Variants in MELK observed in about 807,000 individuals in gnomAD.
MELK encodes pEg3 kinase.
A neutral mutation model predicts 85.0 loss-of-function variants in MELK; 81 were observed. The observed-to-expected ratio is 0.95, with a 90% CI of 0.80 to 1.15. MELK has a LOEUF of 1.15. Among genes scored for constraint, MELK ranks in the 50% most tolerant of loss-of-function variants. The pLI, the probability that MELK is intolerant of heterozygous loss-of-function variation, is 0.00. For synonymous variants in MELK, 252 were observed against 265.0 expected (o/e 0.95, Z 0.48); for missense variants, 754 against 777.5 (o/e 0.97, Z 0.36).
At chr9:36,651,182 TTAA>T (rs2137230301) in intron 11 of MELK, among the ~76,000 whole-genome samples, 1 of 152,324 alleles carries the variant, frequency 6.6e-6, no homozygotes, top group African/African-American at 2.4e-5. Context: ...AATTAAAAGA[TTAA>T]TAATTGGAAA....
chr9:36,653,187 TC>T (rs1195635557), intron 12 of MELK, among the ~76,000 whole-genome samples: 2 of 152,226 alleles, frequency 1.3e-5, no homozygotes, highest in African/African-American at 4.8e-5. Flanking sequence ...TGCTTTGTTG[TC>T]CTGGCTGGAG....
intron 10 of MELK, among the ~76,000 whole-genome samples, chr9:36,641,125 G>A (rs1829714430): frequency 6.6e-6 from 1 of 152,184 alleles, no homozygotes; most frequent in African/African-American, 2.4e-5. Flanking sequence ...GTGGAGGTTG[G>A]CGGAACTAGA....
In MELK at chr9:36,665,454, T is replaced by C; in HGVS notation, c.1281T>C (p.Tyr427=). 1 of 1,613,136 alleles carries C rather than the reference T, an allele frequency of 6.2e-7. No individual in the cohort carries two copies. The highest frequency in any genetic ancestry group is 1.1e-5 in the South Asian group (1 of 91,068). The change falls in exon 14 of 18, where the codon TAT becomes TAC. Residue 427 remains tyrosine (Y), a synonymous_variant. Coordinates refer to ENST00000298048, the MANE Select transcript of MELK (RefSeq NM_014791.4). ...ANKLKNKENV[Y]TPKSAVKNEE... is the part of the protein sequence containing the mutation. Reference sequence around the variant, plus strand: ...AATTAAAGAACAAAGAAAATGTATATACTCCTAAGTCTGCTGTAAAGAATG... The same window carrying C: ...AATTAAAGAACAAAGAAAATGTATACACTCCTAAGTCTGCTGTAAAGAATG...
chr9:36,603,910 T>C (rs1547309), intron 7 of MELK, among the ~76,000 whole-genome samples: 8 of 152,176 alleles, frequency 5.3e-5, no homozygotes, highest in African/African-American at 1.9e-4. Context: ...ATCATTTTAT[T>C]CCTCTTTAAG....
intron 13 of MELK, among the ~76,000 whole-genome samples, chr9:36,664,256 T>TATAA (rs1322435770): frequency 2.6e-5 from 4 of 152,216 alleles, no homozygotes; most frequent in African/African-American, 9.6e-5. Context: ...AACATACTTA[T>TATAA]TTATGTTCTG....
intron 12 of MELK, 85 bp downstream of exon 12, chr9:36,651,962 G>A: frequency 7.9e-7 from 1 of 1,263,160 alleles, no homozygotes; most frequent in Non-Finnish European, 1.0e-6. Context: ...ACTTTCCGGT[G>A]TCAAGGAGTC....
chr9:36,593,726 T>C (rs1446320708), intron 4 of MELK, among the ~76,000 whole-genome samples: 1 of 152,140 alleles, frequency 6.6e-6, no homozygotes, highest in African/African-American at 2.4e-5. Flanking sequence ...AAGTCTCACT[T>C]TGTCACCCAG....
chr9:36,647,300 C>G (rs1427201341), intron 11 of MELK, among the ~76,000 whole-genome samples: 1 of 152,130 alleles, frequency 6.6e-6, no homozygotes, highest in Admixed American at 6.5e-5. Context: ...GCCATTGTCT[C>G]TAGTCAGTTT....
intron 8 of MELK, among the ~76,000 whole-genome samples, chr9:36,614,029 G>C (rs1257017235): frequency 6.6e-6 from 1 of 152,090 alleles, no homozygotes; most frequent in Admixed American, 6.5e-5. Flanking sequence ...CTGGTCAGGA[G>C]GATATTGTAA....
At chr9:36,627,779 A>G (rs944112163) in intron 8 of MELK, among the ~76,000 whole-genome samples, 1 of 151,824 alleles carries the variant, frequency 6.6e-6, no homozygotes, top group Non-Finnish European at 1.5e-5. Context: ...CGCCCATCTC[A>G]GCCTCCCAAA....
chr9:36,618,695 C>G (rs1040518116), intron 8 of MELK, among the ~76,000 whole-genome samples: 1 of 152,048 alleles, frequency 6.6e-6, no homozygotes, highest in Non-Finnish European at 1.5e-5. Flanking sequence ...CTTGTCTATT[C>G]AATGAGGATT....
intron 1 of MELK, among the ~76,000 whole-genome samples, chr9:36,580,351 C>T (rs1191105008): frequency 6.7e-6 from 1 of 149,446 alleles, no homozygotes; most frequent in Non-Finnish European, 1.5e-5. Context: ...CGGAGTTTCA[C>T]TCTTGTTGCC....
At chr9:36,590,693 C>T (rs375688971) in intron 4 of MELK, among the ~76,000 whole-genome samples, 49 of 152,242 alleles carry the variant, frequency 3.2e-4, no homozygotes, top group African/African-American at 1.2e-3. Flanking sequence ...TTGTATTATT[C>T]AACTTCTTTA....
intron 8 of MELK, among the ~76,000 whole-genome samples, chr9:36,623,552 T>C (rs138025921): frequency 3.0e-4 from 45 of 152,208 alleles, no homozygotes; most frequent in African/African-American, 1.1e-3. Flanking sequence ...AATAGGGGAA[T>C]TGGATGGGGA....
intron 10 of MELK, among the ~76,000 whole-genome samples, chr9:36,635,291 C>G (rs1482998433): frequency 6.7e-6 from 1 of 149,516 alleles, no homozygotes; most frequent in African/African-American, 2.5e-5. Flanking sequence ...GAGTGGGAAT[C>G]TCGCTATTAT....
intron 13 of MELK, among the ~76,000 whole-genome samples, chr9:36,660,137 G>C (rs182400345): frequency 2.6e-5 from 4 of 152,114 alleles, no homozygotes; most frequent in African/African-American, 9.6e-5. Flanking sequence ...ACAGCCCTGG[G>C]TATGAGCACA....
Position 36,665,387 on chromosome 9 carries a change from C to A in MELK, c.1214C>A (p.Ser405Tyr), listed in dbSNP as rs1315989678. ...TGGACAGAATCAAATGGGGTGGAAT[C>A]TAAATCATTAACTCCAGCCTTATGC... ...KYWTESNGVE[S>Y]KSLTPALCRT... Residue 405 changes from serine (S) to tyrosine (Y), a missense_variant, in exon 14 of 18, where the codon TCT (serine) becomes TAT (tyrosine). By Grantham distance (144) the Ser-to-Tyr change is moderately radical. Transcript: ENST00000298048. 6.2e-7 allele frequency: 1 copy of A among 1,613,206 alleles called. No homozygotes were observed. The highest frequency in any genetic ancestry group is 1.1e-5 in the South Asian group (1 of 91,016).
chr9:36,585,811 G>A (rs1822833659), intron 3 of MELK, among the ~76,000 whole-genome samples: 1 of 151,930 alleles, frequency 6.6e-6, no homozygotes, highest in African/African-American at 2.4e-5. Context: ...GGTTGTGCAT[G>A]CCTGTAGTCC....
intron 2 of MELK, among the ~76,000 whole-genome samples, chr9:36,582,066 G>C (rs904221094): frequency 2.0e-5 from 3 of 151,896 alleles, no homozygotes; most frequent in Non-Finnish European, 4.4e-5. Flanking sequence ...CTGCCTCCCG[G>C]GTTCACGCCA....
Sources: gnomAD v4.1 joint callset for allele counts (sites outside exome capture counted in the v4.1 genomes callset) on GRCh38, gnomAD v4.1.1 for gene constraint, MANE v1.5 for transcripts, NCBI Gene and HGNC (gene_info 2026-07-23, HGNC 2026-07-21) for gene names.